Variants in FGF12 observed in about 807,000 individuals in gnomAD.
The protein encoded by FGF12 is fibroblast growth factor 12B.
A neutral mutation model predicts 23.6 loss-of-function variants in FGF12; 14 were observed. The observed-to-expected ratio is 0.59, with a 90% CI of 0.39 to 0.93. FGF12 has a LOEUF of 0.93. FGF12 is among the 40% of genes least tolerant of loss of function. The pLI is 0.00. For missense variants in FGF12, 175 were observed against 217.8 expected (o/e 0.80, Z 1.24); for synonymous variants, 62 against 77.3 (o/e 0.80, Z 1.04).
intron 4 of FGF12, among the ~76,000 whole-genome samples, chr3:192,171,616 A>C (rs1262365362): frequency 6.6e-6 from 1 of 152,244 alleles, no homozygotes; most frequent in African/African-American, 2.4e-5. Context: ...TTCTGAGATC[A>C]GCAGAAGAAA....
At chr3:192,663,390 G>A (rs1033577821) in intron 2 of FGF12, among the ~76,000 whole-genome samples, 1 of 152,170 alleles carries the variant, frequency 6.6e-6, no homozygotes, top group Non-Finnish European at 1.5e-5. Context: ...ACTCCAGAGG[G>A]TAGCACATAG....
chr3:192,161,528 ACACACACAT>A (rs1275193108), intron 5 of FGF12, among the ~76,000 whole-genome samples: 47 of 151,386 alleles, frequency 3.1e-4, no homozygotes, highest in Admixed American at 3.0e-3. Flanking sequence ...ACACACACAC[ACACACACAT>A]CACATCACAT....
chr3:192,642,056 CCTT>C (rs1308514494), intron 2 of FGF12, among the ~76,000 whole-genome samples: 1 of 152,190 alleles, frequency 6.6e-6, no homozygotes, highest in Non-Finnish European at 1.5e-5. Flanking sequence ...TGATTTATAT[CCTT>C]CTGTGTTTTG....
At chr3:192,591,551 A>T (rs1375267566) in intron 2 of FGF12, among the ~76,000 whole-genome samples, 1 of 151,884 alleles carries the variant, frequency 6.6e-6, no homozygotes, top group African/African-American at 2.4e-5. Flanking sequence ...GTTCAGGCCA[A>T]GGCCCATCAA....
chr3:192,196,626 T>C (rs1577225367), intron 4 of FGF12, among the ~76,000 whole-genome samples: 1 of 152,178 alleles, frequency 6.6e-6, no homozygotes, highest in Non-Finnish European at 1.5e-5. Context: ...GAAATGTAGA[T>C]AAAATTAATA....
At chr3:192,404,142 A>G (rs1454866438) in intron 2 of FGF12, among the ~76,000 whole-genome samples, 1 of 152,208 alleles carries the variant, frequency 6.6e-6, no homozygotes, top group African/African-American at 2.4e-5. Context: ...GTTTTAAGAT[A>G]GATTTTTCCT....
chr3:192,671,800 CACAT>C (rs1303245818), intron 2 of FGF12, among the ~76,000 whole-genome samples: 7 of 151,162 alleles, frequency 4.6e-5, no homozygotes, highest in East Asian at 1.9e-4. Flanking sequence ...CACACACACA[CACAT>C]ACACACACAC....
At chr3:192,354,108 A>G (rs1718357188) in intron 3 of FGF12, among the ~76,000 whole-genome samples, 1 of 152,204 alleles carries the variant, frequency 6.6e-6, no homozygotes, top group Non-Finnish European at 1.5e-5. Flanking sequence ...GAGTGACTAA[A>G]CTTTTACATT....
At chr3:192,595,575 C>A (rs1200584354) in intron 2 of FGF12, among the ~76,000 whole-genome samples, 2 of 152,198 alleles carry the variant, frequency 1.3e-5, no homozygotes, top group Non-Finnish European at 2.9e-5. Context: ...CTGGGCTACA[C>A]CCCAGAGTAT....
chr3:192,526,893 C>T (rs1037307686), intron 2 of FGF12, among the ~76,000 whole-genome samples: 4 of 152,096 alleles, frequency 2.6e-5, no homozygotes, highest in African/African-American at 7.2e-5. Flanking sequence ...ATCAATGACA[C>T]ACCTACCACA....
chr3:192,335,051 GA>G (rs1327025625), intron 4 of FGF12, among the ~76,000 whole-genome samples: 1 of 151,988 alleles, frequency 6.6e-6, no homozygotes, highest in Non-Finnish European at 1.5e-5. Context: ...GATAACAAGA[GA>G]AAAGAAAAAT....
intron 4 of FGF12, among the ~76,000 whole-genome samples, chr3:192,278,084 C>T (rs1238994149): frequency 5.9e-5 from 9 of 152,112 alleles, no homozygotes; most frequent in Non-Finnish European, 1.2e-4. Flanking sequence ...AAAGGTTTTA[C>T]GCTGTTACCA....
intron 5 of FGF12, among the ~76,000 whole-genome samples, chr3:192,169,167 C>T (rs1577197879): frequency 6.6e-6 from 1 of 152,076 alleles, no homozygotes; most frequent in East Asian, 1.9e-4. Context: ...ATGGCGAAAT[C>T]CTGTCTCTAC....
intron 2 of FGF12, among the ~76,000 whole-genome samples, chr3:192,650,344 G>T (rs112020313): frequency 4.6e-5 from 7 of 152,246 alleles, no homozygotes; most frequent in African/African-American, 1.4e-4. Context: ...ACTTGAATAT[G>T]CCATACTGTT....
chr3:192,185,309 A>C (rs1716396405), intron 4 of FGF12, among the ~76,000 whole-genome samples: 1 of 152,178 alleles, frequency 6.6e-6, no homozygotes, highest in Non-Finnish European at 1.5e-5. Context: ...AGATACTTGC[A>C]CAGTAGCTGG....
At chr3:192,152,564 G>C (rs199809531) in intron 5 of FGF12, among the ~76,000 whole-genome samples, 2 of 142,464 alleles carry the variant, frequency 1.4e-5, no homozygotes, top group Non-Finnish European at 3.1e-5. Flanking sequence ...CCTTCATTTC[G>C]TTATGTACCC....
At chr3:192,383,670 T>G (rs551160808) in intron 2 of FGF12, among the ~76,000 whole-genome samples, 1 of 152,256 alleles carries the variant, frequency 6.6e-6, no homozygotes, top group African/African-American at 2.4e-5. Context: ...GTGTTTAGGT[T>G]TTATGGCTAT....
At chr3:192,349,792 T>C (rs1254641293) in intron 3 of FGF12, among the ~76,000 whole-genome samples, 1 of 152,104 alleles carries the variant, frequency 6.6e-6, no homozygotes, top group Non-Finnish European at 1.5e-5. Flanking sequence ...AATGCAAGCA[T>C]GGTCCCATTA....
chr3:192,666,906 G>GGATAGATAGATGATA (rs1378911756), intron 2 of FGF12, among the ~76,000 whole-genome samples: 7 of 142,362 alleles, frequency 4.9e-5, no homozygotes, highest in Admixed American at 4.3e-4. Flanking sequence ...ATGGATAGTT[G>GGATAGATAGATGATA]GATAGATAGA....
Sources: gnomAD v4.1 joint callset for allele counts (sites outside exome capture counted in the v4.1 genomes callset) on GRCh38, gnomAD v4.1.1 for gene constraint, MANE v1.5 for transcripts, NCBI Gene and HGNC (gene_info 2026-07-23, HGNC 2026-07-21) for gene names.